BICD1: variants seen among roughly 807,000 people sequenced by gnomAD.
The protein encoded by BICD1 is BICD cargo adaptor 1.
In BICD1, 35 loss-of-function variants were observed where a neutral mutation model predicts 92.5. The ratio of observed to expected loss-of-function variants is 0.38; its 90% CI spans 0.29 to 0.50. BICD1 has a LOEUF of 0.50. Among genes scored for constraint, BICD1 ranks in the 20% least tolerant of loss-of-function variants. The probability of loss-of-function intolerance (pLI) is 0.93; values close to 1 mark genes in which losing one functional copy is unlikely to be tolerated. For missense variants in BICD1, 950 were observed against 1,189.8 expected (o/e 0.80, Z 2.97); for synonymous variants, 429 against 465.1 (o/e 0.92, Z 1.00).
chr12:32,241,678 T>C (rs973087942), intron 2 of BICD1, among the ~76,000 whole-genome samples: 6 of 152,176 alleles, frequency 3.9e-5, no homozygotes, highest in Non-Finnish European at 8.8e-5. Flanking sequence ...GAAGGTTGAA[T>C]TCAACAAGAA....
At chr12:32,235,950 G>A (rs544989368) in intron 2 of BICD1, among the ~76,000 whole-genome samples, 5 of 145,290 alleles carry the variant, frequency 3.4e-5, no homozygotes, top group East Asian at 2.0e-4. Context: ...ATCTGCCCTC[G>A]GCCTCCCAAA....
At chr12:32,370,231 G>C (rs1292594963) in intron 9 of BICD1, among the ~76,000 whole-genome samples, 3 of 152,148 alleles carry the variant, frequency 2.0e-5, no homozygotes, top group South Asian at 2.1e-4. Flanking sequence ...GCTGGGCATG[G>C]TGATGTGCGC....
In BICD1 at chr12:32,215,742, G is replaced by C. The variant is rs564243183; in HGVS notation, c.214-505G>C. Among the ~76,000 whole-genome samples the C allele has an allele frequency of 2.6e-5, 4 of 151,994 alleles. No individual in the cohort carries two copies. In the South Asian group the frequency reaches 8.3e-4, roughly 32 times the overall value. On this transcript the variant is annotated intron_variant, in intron 1 of 9. Coordinates refer to ENST00000652176, the MANE Select transcript of BICD1 (RefSeq NM_001714.4). ...AGACGGGCGGATCACAAGGTCAGGG[G>C]ATCGAAACCATCCTGGCTAACAAGG...
chr12:32,184,536 C>T (rs1346459118), intron 1 of BICD1, among the ~76,000 whole-genome samples: 2 of 152,134 alleles, frequency 1.3e-5, no homozygotes, highest in South Asian at 2.1e-4. Flanking sequence ...CCACCCACCT[C>T]GGCCTCCCAA....
At chr12:32,147,731 A>C (rs1009116485) in intron 1 of BICD1, among the ~76,000 whole-genome samples, 1 of 152,238 alleles carries the variant, frequency 6.6e-6, no homozygotes, top group Non-Finnish European at 1.5e-5. Context: ...GAACTAGAAA[A>C]TAAGAAAATA....
rs562111924 is a variant in BICD1, at chr12:32,367,835, A to G, written c.2840+90A>G. On this transcript the variant is annotated intron_variant, in intron 9 of 9. Coordinates refer to ENST00000652176, the MANE Select transcript of BICD1 (RefSeq NM_001714.4). ...TTTCCGACACCTGAACTGCCTACGC[A>G]TCATTGTATTTTGCTGTATTTTATT... 1.7e-4 allele frequency: 199 copies of G among 1,165,734 alleles called. 2 individuals are homozygous for G. Among genetic ancestry groups the G allele is most frequent in the Non-Finnish European group, 6.6e-5 (52 of 786,340 alleles). 72.2% of individuals were successfully genotyped at this position (1,165,734 alleles called of 1,614,324 possible).
At chr12:32,288,142 G>A (rs1370161928) in intron 2 of BICD1, among the ~76,000 whole-genome samples, 1 of 152,100 alleles carries the variant, frequency 6.6e-6, no homozygotes, top group Non-Finnish European at 1.5e-5. Context: ...GTTTGAGAGG[G>A]AATTCCATGG....
chr12:32,247,490 T>C (rs571333841), intron 2 of BICD1, among the ~76,000 whole-genome samples: 1 of 151,868 alleles, frequency 6.6e-6, no homozygotes, highest in South Asian at 2.1e-4. Flanking sequence ...ATTAAAGACC[T>C]CTGTTGGGCC....
chr12:32,169,160 A>G (rs1391621066), intron 1 of BICD1, among the ~76,000 whole-genome samples: 3 of 152,146 alleles, frequency 2.0e-5, no homozygotes, highest in African/African-American at 7.2e-5. Flanking sequence ...TCAGGCTCTG[A>G]TGGGGAATTG....
intron 3 of BICD1, among the ~76,000 whole-genome samples, chr12:32,303,567 G>A (rs1008955401): frequency 2.0e-5 from 3 of 152,188 alleles, no homozygotes; most frequent in Admixed American, 6.5e-5. Context: ...AACAAGTGAT[G>A]TGGGTAACTT....
intron 3 of BICD1, among the ~76,000 whole-genome samples, chr12:32,300,358 C>A (rs1163679480): frequency 6.6e-6 from 1 of 152,130 alleles, no homozygotes; most frequent in Non-Finnish European, 1.5e-5. Flanking sequence ...CTGCCTCGGC[C>A]TCCCAAAGTG....
At chr12:32,208,281 C>T (rs1265364264) in intron 1 of BICD1, among the ~76,000 whole-genome samples, 1 of 152,230 alleles carries the variant, frequency 6.6e-6, no homozygotes, top group Non-Finnish European at 1.5e-5. Flanking sequence ...CGTCTTTCTG[C>T]TAATAATAGC....
chr12:32,216,106 C>G, intron 1 of BICD1, 141 bp from the exon 2 acceptor site: 1 of 666,520 alleles, frequency 1.5e-6, no homozygotes, highest in South Asian at 2.2e-5. Context: ...TCAGTGAGAG[C>G]TGCTAGACTG....
At chr12:32,208,672 C>G (rs1027229367) in intron 1 of BICD1, among the ~76,000 whole-genome samples, 2 of 152,118 alleles carry the variant, frequency 1.3e-5, no homozygotes, top group Non-Finnish European at 2.9e-5. Flanking sequence ...CTCTTCTTTT[C>G]TAATTGAATC....
chr12:32,287,380 G>T (rs529066872), intron 2 of BICD1, among the ~76,000 whole-genome samples: 7 of 152,136 alleles, frequency 4.6e-5, no homozygotes, highest in Non-Finnish European at 1.0e-4. Flanking sequence ...TGTGATACTA[G>T]ATCTGATTCT....
At chr12:32,108,053 C>T (rs1353293475) in intron 1 of BICD1, 3 of 284,548 alleles carry the variant, frequency 1.1e-5, no homozygotes, top group Admixed American at 9.1e-5. Flanking sequence ...AAAGGCTAGG[C>T]AATCTTCATT....
chr12:32,226,993 G>C (rs913371837), intron 2 of BICD1, among the ~76,000 whole-genome samples: 5 of 151,418 alleles, frequency 3.3e-5, no homozygotes, highest in African/African-American at 9.7e-5. Flanking sequence ...GAGGGCCTGG[G>C]GAGGTCCTCG....
chr12:32,122,239 A>G (rs2668293), intron 1 of BICD1, among the ~76,000 whole-genome samples: 128,767 of 151,948 alleles, frequency 0.85, 54,745 homozygotes, highest in African/African-American at 0.91. Flanking sequence ...GAGGTCAGGA[A>G]ATCGAGACCA....
intron 1 of BICD1, among the ~76,000 whole-genome samples, chr12:32,184,100 G>A (rs1006010152): frequency 3.3e-5 from 5 of 152,112 alleles, no homozygotes; most frequent in African/African-American, 1.2e-4. Flanking sequence ...CAGTGGTCAG[G>A]ACTGTTGAAG....
Sources: allele counts gnomAD v4.1 joint callset (sites outside exome capture counted in the v4.1 genomes callset), GRCh38; gene constraint gnomAD v4.1.1; transcripts MANE v1.5; gene names NCBI Gene and HGNC (gene_info 2026-07-23, HGNC 2026-07-21).